EZR: variants seen among roughly 807,000 people sequenced by gnomAD.
The protein encoded by EZR is ezrin.
A neutral mutation model predicts 74.8 loss-of-function variants in EZR; 40 were observed. The ratio of observed to expected loss-of-function variants is 0.53; its 90% CI spans 0.42 to 0.70. The LOEUF is 0.70. Among genes scored for constraint, EZR ranks in the 30% least tolerant of loss-of-function variants. EZR has a pLI of 0.00. For synonymous variants in EZR, 341 were observed against 283.3 expected, an observed-to-expected ratio of 1.20 and a Z score of -2.05; for missense variants, 678 against 755.8, an observed-to-expected ratio of 0.90 and a Z score of 1.21.
chr6:158,785,200 G>C, intron 5 of EZR, 109 bp downstream of exon 5: 1 of 1,377,120 alleles, frequency 7.3e-7, no homozygotes, highest in Non-Finnish European at 9.9e-7. Flanking sequence ...AGGAGCACTT[G>C]ACACTGGCGA....
chr6:158,767,170 G>A, intron 13 of EZR, 91 bp downstream of exon 13: 1 of 1,583,186 alleles, frequency 6.3e-7, no homozygotes, highest in East Asian at 2.2e-5. Flanking sequence ...AGGGGTGCTG[G>A]GTGGGGCTGG....
intron 2 of EZR, among the ~76,000 whole-genome samples, chr6:158,805,636 T>C (rs1483665418): frequency 1.3e-5 from 2 of 152,158 alleles, no homozygotes; most frequent in Non-Finnish European, 2.9e-5. Context: ...CTTACAAAAT[T>C]TGCTTAAATA....
intron 2 of EZR, among the ~76,000 whole-genome samples, chr6:158,798,114 G>T (rs1302613113): frequency 6.6e-6 from 1 of 152,152 alleles, no homozygotes; most frequent in African/African-American, 2.4e-5. Context: ...CCATGACTTA[G>T]CATAATGTTT....
chr6:158,778,373 A>G (rs536093152), intron 7 of EZR, among the ~76,000 whole-genome samples: 2 of 152,368 alleles, frequency 1.3e-5, no homozygotes, highest in South Asian at 2.1e-4. Flanking sequence ...GAAACCTCAT[A>G]TAACAATTCA....
At position 158,815,611 on chromosome 6, in the gene EZR, G is replaced by A. The variant is rs113717524; in HGVS notation, c.12+2471C>T. 9.9e-5 allele frequency among the ~76,000 whole-genome samples: 15 copies of A among 152,234 alleles called. 1 individual carries two copies. Among genetic ancestry groups the A allele is most frequent in the East Asian group, 3.9e-4 (2 of 5,190 alleles). ...CTCCCACTTCAGCCTCAGTCAGAGC[G>A]CCAGCCACCACACCCAGATAATTTT... On this transcript the variant is annotated intron_variant, in intron 2 of 13. Transcript: ENST00000367075.
intron 2 of EZR, among the ~76,000 whole-genome samples, chr6:158,811,623 G>A (rs530327520): frequency 4.7e-4 from 72 of 152,296 alleles, no homozygotes; most frequent in African/African-American, 1.5e-3. Context: ...CATTTTGGAA[G>A]GCCAAGGTAG....
intron 2 of EZR, among the ~76,000 whole-genome samples, chr6:158,797,932 T>G (rs1199526852): frequency 2.0e-5 from 3 of 152,246 alleles, no homozygotes; most frequent in Non-Finnish European, 4.4e-5. Context: ...AGTTTTGGAA[T>G]AGTTTGTCAG....
At chr6:158,768,608 C>T (rs1335207607) in intron 12 of EZR, among the ~76,000 whole-genome samples, 1 of 152,160 alleles carries the variant, frequency 6.6e-6, no homozygotes, top group Non-Finnish European at 1.5e-5. Flanking sequence ...GGGAACCATC[C>T]CCAGAGCTTC....
At position 158,798,848 on chromosome 6, in the gene EZR, C is replaced by T. The variant is rs530203239; in HGVS notation, c.13-9477G>A. Among the ~76,000 whole-genome samples the T allele has an allele frequency of 1.6e-3, 242 of 152,028 alleles. 1 individual carries two copies. Among genetic ancestry groups the T allele is most frequent in the African/African-American group, 5.5e-3 (228 of 41,476 alleles). ...TTCACCATGTTGCCCAGGGTGGCCT[C>T]GAACTCCTGACCTCAAGGGATCCGC... On this transcript the variant is annotated intron_variant, in intron 2 of 13. Transcript: ENST00000367075.
At position 158,794,285 on chromosome 6, in the gene EZR, C is replaced by A. The variant is rs548803163; in HGVS notation, c.13-4914G>T. 8.5e-5 allele frequency among the ~76,000 whole-genome samples: 13 copies of A among 152,240 alleles called. 2 individuals are homozygous for A. In the South Asian group the frequency reaches 2.3e-3, roughly 27 times the overall value. On this transcript the variant is annotated intron_variant, in intron 2 of 13. Coordinates refer to ENST00000367075, the MANE Select transcript of EZR (RefSeq NM_001111077.2). The stretch of plus-strand genomic sequence containing the variant: ...ATACAGCGAAGACTCAAAACCACCA[C>A]AACCACCACCAGCACTACCACCAGC...
Position 158,767,536 on chromosome 6 carries a change from G to C in EZR, c.1345-24C>G, listed in dbSNP as rs766780676. 15 of 1,551,562 alleles carry C rather than the reference G, an allele frequency of 9.7e-6. No homozygotes were observed. The South Asian group carries it at 9.9e-5, about 10-fold the overall frequency. ...GCCTTTGGAAAGCAAATTAATAAGAGGACTTCTCACCCAGAAGTCCTATCC... is the reference window on the plus strand; with the variant it reads ...GCCTTTGGAAAGCAAATTAATAAGACGACTTCTCACCCAGAAGTCCTATCC... On this transcript the variant is annotated intron_variant, in intron 12 of 13. Transcript: ENST00000367075.
chr6:158,778,998 A>G (rs1350677145), intron 7 of EZR, among the ~76,000 whole-genome samples: 1 of 152,230 alleles, frequency 6.6e-6, no homozygotes, highest in Non-Finnish European at 1.5e-5. Context: ...GGACATCTAC[A>G]TAGTTTAAAA....
chr6:158,802,548 T>G (rs1222915514), intron 2 of EZR, among the ~76,000 whole-genome samples: 2 of 152,244 alleles, frequency 1.3e-5, no homozygotes, highest in Non-Finnish European at 2.9e-5. Context: ...GTTTGTTTTT[T>G]GAGGCGGAGT....
rs1777359490 is a variant in EZR at position 158,807,231 on chromosome 6, C to T, written c.12+10851G>A. Reference sequence around the variant, plus strand: ...TCGGGAGGCTGAGGCAGGAGAATGGCGTGAACCCGGGAGGTGGAGCTTGCG... The same window carrying T: ...TCGGGAGGCTGAGGCAGGAGAATGGTGTGAACCCGGGAGGTGGAGCTTGCG... On this transcript the variant is annotated intron_variant, in intron 2 of 13. Coordinates refer to ENST00000367075, the MANE Select transcript of EZR (RefSeq NM_001111077.2). 2.6e-5 allele frequency among the ~76,000 whole-genome samples: 4 copies of T among 151,380 alleles called. No individual in the cohort carries two copies. The South Asian group carries it at 8.4e-4, about 32-fold the overall frequency.
chr6:158,777,400 T>G (rs1208372807), intron 7 of EZR, among the ~76,000 whole-genome samples: 2 of 152,276 alleles, frequency 1.3e-5, no homozygotes, highest in East Asian at 3.8e-4. Flanking sequence ...TGCAATGCCA[T>G]GACTGGCCAG....
At chr6:158,816,735 C>T (rs976336797) in intron 2 of EZR, among the ~76,000 whole-genome samples, 1 of 151,908 alleles carries the variant, frequency 6.6e-6, no homozygotes, top group African/African-American at 2.4e-5. Flanking sequence ...ATTCTTTATC[C>T]TAACAGCAAA....
At chr6:158,791,553 C>T (rs925914052) in intron 2 of EZR, among the ~76,000 whole-genome samples, 1 of 151,932 alleles carries the variant, frequency 6.6e-6, no homozygotes, top group Non-Finnish European at 1.5e-5. Context: ...GGCGTTTGCT[C>T]ACAAATGCAG....
At chr6:158,808,580 C>T (rs531415149) in intron 2 of EZR, among the ~76,000 whole-genome samples, 6 of 152,262 alleles carry the variant, frequency 3.9e-5, no homozygotes, top group East Asian at 3.9e-4. Context: ...CAAGTGGAAC[C>T]GCACAGCCCT....
intron 8 of EZR, among the ~76,000 whole-genome samples, chr6:158,772,063 G>A (rs986499692): frequency 1.3e-5 from 2 of 152,160 alleles, no homozygotes; most frequent in Non-Finnish European, 2.9e-5. Flanking sequence ...CCTCCGCTGT[G>A]CACTCGGTTC....
Sources: allele counts gnomAD v4.1 joint callset (sites outside exome capture counted in the v4.1 genomes callset), GRCh38; gene constraint gnomAD v4.1.1; transcripts MANE v1.5; gene names NCBI Gene and HGNC (gene_info 2026-07-23, HGNC 2026-07-21).